Variants in MAP4K2 observed in about 807,000 individuals in gnomAD.
MAP4K2 encodes mitogen-activated protein kinase kinase kinase kinase 2.
A neutral mutation model predicts 125.3 loss-of-function variants in MAP4K2; 85 were observed. The ratio of observed to expected loss-of-function variants is 0.68; its 90% CI spans 0.57 to 0.81. MAP4K2 has a LOEUF of 0.81. Ranked by LOEUF, MAP4K2 falls within the 40% of genes least tolerant of loss-of-function variation. The pLI is 0.00. For missense variants in MAP4K2, 923 were observed against 1,056.4 expected (o/e 0.87, Z 1.75); for synonymous variants, 479 against 445.1 (o/e 1.08, Z -0.96).
intron 24 of MAP4K2, 74 bp downstream of exon 24, chr11:64,796,199 G>C: frequency 7.5e-7 from 1 of 1,335,208 alleles, no homozygotes; most frequent in African/African-American, 1.5e-5. Context: ...GCAATCCCAG[G>C]AACTGGCAAG....
In MAP4K2 at chr11:64,789,748, C is replaced by G; in HGVS notation, c.2357G>C (p.Arg786Pro). The stretch of plus-strand genomic sequence containing the variant: ...CGCCTACCTGTGGGCCCCAAGCACT[C>G]GGAAGATCCTTGTTTCATCTGTGAT... The part of the protein sequence containing the change: ...QEITDETRIF[R>P]VLGAHRDIIL... Residue 786 changes from arginine (R) to proline (P), a missense_variant, in exon 31 of 32, where the codon CGA (arginine) becomes CCA (proline). By Grantham distance (103) the Arg-to-Pro change is moderately radical. This residue lies in a region of MAP4K2 where 90 missense variants were observed against 144.9 expected (regional missense o/e 0.62). Coordinates refer to ENST00000294066, the MANE Select transcript of MAP4K2 (RefSeq NM_004579.5). The G allele has an allele frequency of 6.2e-7, 1 of 1,614,102 alleles. No homozygotes were observed.
rs35107642 is a variant in MAP4K2, at chr11:64,802,100, C to T, written c.332G>A (p.Arg111Gln). 2.0e-5 allele frequency: 33 copies of T among 1,612,982 alleles called. No individual in the cohort carries two copies. The highest frequency in any genetic ancestry group is 2.7e-5 in the African/African-American group (2 of 75,050). The change falls in exon 5 of 32, where the codon CGG becomes CAG. Residue 111 changes from arginine to glutamine, a missense_variant. By Grantham distance (43) the Arg-to-Gln change is conservative. Coordinates refer to ENST00000294066, the MANE Select transcript of MAP4K2 (RefSeq NM_004579.5). Reference protein sequence around the residue: ...IYHATGPLEERQIAYVCREAL... With the variant: ...IYHATGPLEEQQIAYVCREAL... ...CTCTCGGCAGACGTAGGCAATCTGC[C>T]GCTCCTCCAGGGGCCCAGTGGCTGA... is the stretch of plus-strand genomic sequence containing the variant.
Position 64,797,080 on chromosome 11 carries a change from C to T in MAP4K2, c.1365+24G>A, listed in dbSNP as rs762755585. The T allele has an allele frequency of 2.5e-6, 4 of 1,614,148 alleles. No homozygotes were observed. The South Asian group carries it at 4.4e-5, about 18-fold the overall frequency. On this transcript the variant is annotated intron_variant, in intron 19 of 31. Transcript: ENST00000294066. ...TGACAGCTGTAGCCGCCCGTCTCCC[C>T]ACCCCACTGTAGCACCCTCTTACCT...
chr11:64,801,186 G>A lies in MAP4K2; in HGVS notation c.458-3C>T, dbSNP rs1565625441. Reference sequence around the variant, plus strand: ...CTCGCCTGACACCCCAAAGTCAGCTGTGGGGAGAAACAGCCACTCTCACCA... The same window carrying A: ...CTCGCCTGACACCCCAAAGTCAGCTATGGGGAGAAACAGCCACTCTCACCA... On this transcript the variant is annotated splice_region_variant and splice_polypyrimidine_tract_variant and intron_variant, in intron 7 of 31. Coordinates refer to ENST00000294066, the MANE Select transcript of MAP4K2 (RefSeq NM_004579.5). 1 of 1,612,100 alleles carries A rather than the reference G, an allele frequency of 6.2e-7. No individual in the cohort carries two copies. Among genetic ancestry groups the A allele is most frequent in the Non-Finnish European group, 8.5e-7 (1 of 1,179,710 alleles).
At position 64,789,497 on chromosome 11, in the gene MAP4K2, G is replaced by A. The variant is rs762069053; in HGVS notation, c.*40C>T. ...GCCCAAAAGGGCCTGCAGCTAAGGC[G>A]TGGGGTGGGGCGGGGAGCCCCTGGA... On this transcript the variant is annotated 3_prime_UTR_variant, in exon 32 of 32. Transcript: ENST00000294066. 2.0e-5 allele frequency: 30 copies of A among 1,537,284 alleles called. No homozygotes were observed. Among genetic ancestry groups the A allele is most frequent in the East Asian group, 4.8e-5 (2 of 41,294 alleles).
Position 64,797,703 on chromosome 11 carries a change from CTTTTTTTTTTT to C in MAP4K2, c.1098-50_1098-40del, listed in dbSNP as rs35199527. 6.6e-4 allele frequency: 718 copies of C among 1,094,414 alleles called. 5 individuals carry two copies. In the African/African-American group the frequency reaches 0.013, roughly 20 times the overall value. 67.8% of individuals were successfully genotyped at this position (1,094,414 alleles called of 1,614,324 possible). ...AAAAGGGGTCAGAGGTCAACCTTTC[CTTTTTTTTTTT>C]TTTTTTTTTGAGACGGAGTCTCGCT... On this transcript the variant is annotated intron_variant, in intron 15 of 31. Coordinates refer to ENST00000294066, the MANE Select transcript of MAP4K2 (RefSeq NM_004579.5).
chr11:64,791,821 A>G, intron 27 of MAP4K2, 88 bp downstream of exon 27: 2 of 1,371,254 alleles, frequency 1.5e-6, no homozygotes, highest in Non-Finnish European at 1.9e-6. Context: ...TGGGGAGCCT[A>G]GTTTGGGAGC....
rs1565610247 is a variant in MAP4K2 at position 64,791,988 on chromosome 11, A to G, written c.2013T>C (p.Pro671=). Residue 671 remains proline, a synonymous_variant, in exon 27 of 32, where the codon CCT becomes CCC. Coordinates refer to ENST00000294066, the MANE Select transcript of MAP4K2 (RefSeq NM_004579.5). ...LPQVCVGAEG[P]EGPGCRVLFH... ...ACAGGACGCGGCAGCCGGGCCCCTCAGGCCCCTCGGCCCCAACACACACCT... is the reference window on the plus strand; with the variant it reads ...ACAGGACGCGGCAGCCGGGCCCCTCGGGCCCCTCGGCCCCAACACACACCT... 1 of 1,602,468 alleles carries G rather than the reference A, an allele frequency of 6.2e-7. No individual in the cohort carries two copies. The highest frequency in any genetic ancestry group is 1.7e-5 in the Admixed American group (1 of 58,816).
At chr11:64,799,236 T>C (rs976916929) in intron 14 of MAP4K2, among the ~76,000 whole-genome samples, 185 bp downstream of exon 14, 5 of 152,100 alleles carry the variant, frequency 3.3e-5, no homozygotes, top group African/African-American at 9.7e-5. Context: ...TAAAAGAACT[T>C]GGCCCAGGAA....
Position 64,796,474 on chromosome 11 carries a change from T to G in MAP4K2, c.1633+19A>C. ...GGAGCCCCTGCGGACCCTGCCTCCC[T>G]GCCCATCCCACCTTGTACCTGAGAG... is the stretch of plus-strand genomic sequence containing the variant. On this transcript the variant is annotated intron_variant, in intron 23 of 31. Coordinates refer to ENST00000294066, the MANE Select transcript of MAP4K2 (RefSeq NM_004579.5). 3 of 1,613,878 alleles carry G rather than the reference T, an allele frequency of 1.9e-6. No homozygotes were observed. The highest frequency in any genetic ancestry group is 2.5e-6 in the Non-Finnish European group (3 of 1,180,022).
chr11:64,791,888 C>G (rs1348504426), intron 27 of MAP4K2, 21 bp downstream of exon 27: 1 of 1,532,522 alleles, frequency 6.5e-7, no homozygotes, highest in East Asian at 2.4e-5. Context: ...CCACCCCCAG[C>G]AGCCTGGCCC....
At chr11:64,802,299 C>T in intron 4 of MAP4K2, 120 bp downstream of exon 4, 1 of 1,186,418 alleles carries the variant, frequency 8.4e-7, no homozygotes, top group Non-Finnish European at 1.2e-6. Flanking sequence ...CTCAAGGTCA[C>T]ACAGCCAGGC....
chr11:64,799,007 T>C (rs1940997830), intron 14 of MAP4K2, among the ~76,000 whole-genome samples, 170 bp from the exon 15 acceptor site: 1 of 151,894 alleles, frequency 6.6e-6, no homozygotes, highest in South Asian at 2.1e-4. Context: ...AGCTGAAGAC[T>C]GTGAAAGAAA....
Position 64,801,443 on chromosome 11 carries a change from C to T in MAP4K2, c.457+136G>A, listed in dbSNP as rs1261309943. The T allele has an allele frequency of 1.4e-5, 15 of 1,043,744 alleles. No homozygotes were observed. The South Asian group carries it at 1.5e-4, about 10-fold the overall frequency. The allele number at this position is 1,043,744 out of a possible 1,614,324, so 64.7% of individuals were successfully genotyped here. ...CTATTTTCCAGCAGGGAGGGAGTACCGTTCCATCTTCTAAGCAGGGAAACT... is the reference window on the plus strand; with the variant it reads ...CTATTTTCCAGCAGGGAGGGAGTACTGTTCCATCTTCTAAGCAGGGAAACT... On this transcript the variant is annotated intron_variant, in intron 7 of 31. Transcript: ENST00000294066.
chr11:64,792,966 C>T (rs1423759469), intron 24 of MAP4K2, among the ~76,000 whole-genome samples: 3 of 152,202 alleles, frequency 2.0e-5, no homozygotes, highest in Admixed American at 6.5e-5. Flanking sequence ...CCTGTAATCC[C>T]AGCACTCTGG....
chr11:64,797,472 C>T (rs1455229105), intron 17 of MAP4K2, 29 bp downstream of exon 17: 1 of 1,559,746 alleles, frequency 6.4e-7, no homozygotes, highest in East Asian at 2.4e-5. Context: ...TGGCCTGGAT[C>T]CCAGCTCCAG....
Position 64,803,176 on chromosome 11 carries a change from CG to C in MAP4K2, c.-28del. Reference sequence around the variant, plus strand: ...GCCCGGCGCCGGGCGGGCCGGCAGGCGGGCGGGCGCGAGCTGCGGAGCCGGC... The same window carrying C: ...GCCCGGCGCCGGGCGGGCCGGCAGGCGGCGGGCGCGAGCTGCGGAGCCGGC... On this transcript the variant is annotated 5_prime_UTR_variant, in exon 1 of 32. Transcript: ENST00000294066. 1 of 1,103,650 alleles carries C rather than the reference CG, an allele frequency of 9.1e-7. No individual in the cohort carries two copies. The highest frequency in any genetic ancestry group is 1.1e-6 in the Non-Finnish European group (1 of 897,910). The allele number at this position is 1,103,650 out of a possible 1,614,324, so 68.4% of individuals were successfully genotyped here.
rs745983145 is a variant in MAP4K2 at position 64,792,260 on chromosome 11, G to A, written c.1826C>T (p.Thr609Met). 10 of 1,610,566 alleles carry A rather than the reference G, an allele frequency of 6.2e-6. No individual in the cohort carries two copies. The highest frequency in any genetic ancestry group is 1.3e-5 in the African/African-American group (1 of 74,884). ...LQCRVVRNPY[T>M]GATFLLAALP... ...GGCGGCCAGCAGGAAGGTGGCACCC[G>A]TGTAGGGGTTCCGCACTGGCAGGGG... Residue 609 changes from threonine (T) to methionine (M), a missense_variant, in exon 26 of 32, where the codon ACG becomes ATG. Coordinates refer to ENST00000294066, the MANE Select transcript of MAP4K2 (RefSeq NM_004579.5).
intron 24 of MAP4K2, among the ~76,000 whole-genome samples, chr11:64,794,656 C>T (rs2136041967): frequency 6.6e-6 from 1 of 152,310 alleles, no homozygotes. Flanking sequence ...CTGTGCCTGG[C>T]CCCCAGGCAA....
Sources: gnomAD v4.1 joint callset for allele counts (sites outside exome capture counted in the v4.1 genomes callset) on GRCh38, gnomAD v4.1.1 for gene constraint, gnomAD v4.1.1 regional missense constraint, MANE v1.5 for transcripts, NCBI Gene and HGNC (gene_info 2026-07-23, HGNC 2026-07-21) for gene names.